Variants in ERAP1 observed in about 807,000 individuals in gnomAD.
ERAP1 encodes the protein endoplasmic reticulum aminopeptidase 1.
In ERAP1, 86 loss-of-function variants were observed where a neutral mutation model predicts 103.7. That is an observed-to-expected ratio of 0.83 (90% CI 0.70 to 0.99). ERAP1 has a LOEUF of 0.99. ERAP1 is among the 50% of genes least tolerant of loss of function. The probability of loss-of-function intolerance (pLI) is 0.00; values close to 1 mark genes in which losing one functional copy is unlikely to be tolerated. For missense variants in ERAP1, 1,009 were observed against 1,128.4 expected, an observed-to-expected ratio of 0.89 and a Z score of 1.52; for synonymous variants, 398 against 402.4, an observed-to-expected ratio of 0.99 and a Z score of 0.13.
the ERAP1 span, among the ~76,000 whole-genome samples, chr5:96,891,549 C>T: frequency 1.4e-4 from 19 of 140,740 alleles, no homozygotes; most frequent in South Asian, 4.6e-4. Flanking sequence ...CACACACACA[C>T]ACACACACAC....
chr5:96,825,774 A>G, the ERAP1 span, among the ~76,000 whole-genome samples: 1 of 152,238 alleles, frequency 6.6e-6, no homozygotes, highest in East Asian at 1.9e-4. Context: ...CTGTTGTAAC[A>G]CACAATTATT....
intron 7 of ERAP1, among the ~76,000 whole-genome samples, chr5:96,792,591 G>A (rs1345917237): frequency 1.3e-5 from 2 of 152,092 alleles, no homozygotes; most frequent in Admixed American, 1.3e-4. Context: ...AAAATAAATG[G>A]AGAACCTTAA....
At chr5:96,867,522 T>G in the ERAP1 span, among the ~76,000 whole-genome samples, 1 of 152,178 alleles carries the variant, frequency 6.6e-6, no homozygotes, top group Non-Finnish European at 1.5e-5. Context: ...GATTTGAAAC[T>G]CATTCACTCA....
upstream of ERAP1, among the ~76,000 whole-genome samples, chr5:96,812,093 T>C (rs1397975195): frequency 6.6e-6 from 1 of 152,266 alleles, no homozygotes; most frequent in Non-Finnish European, 1.5e-5. Flanking sequence ...TGAACATATG[T>C]TAATTAGCCG....
chr5:96,889,041 T>C, the ERAP1 span: 1 of 967,796 alleles, frequency 1.0e-6, no homozygotes, highest in East Asian at 2.6e-5. Flanking sequence ...CAGAACCTCT[T>C]ATCCTTATTG....
the ERAP1 span, among the ~76,000 whole-genome samples, chr5:96,926,667 T>C: frequency 2.6e-5 from 4 of 152,250 alleles, no homozygotes; most frequent in African/African-American, 9.6e-5. Context: ...ATGTCAGTAC[T>C]TTCTTTTTAT....
At chr5:96,869,674 A>T in the ERAP1 span, among the ~76,000 whole-genome samples, 1 of 152,242 alleles carries the variant, frequency 6.6e-6, no homozygotes. Flanking sequence ...AGAGTGTTGA[A>T]TTAGGGAAGC....
chr5:96,764,989 G>A (rs1221572431), intron 19 of ERAP1, among the ~76,000 whole-genome samples: 2 of 151,960 alleles, frequency 1.3e-5, no homozygotes, highest in South Asian at 2.1e-4. Context: ...GGGTTGGGTG[G>A]AAGGTGCTGG....
chr5:96,807,955 G>C, upstream of ERAP1: 6 of 985,862 alleles, frequency 6.1e-6, no homozygotes, highest in Middle Eastern at 5.2e-4. Context: ...TGGAGCCCGG[G>C]GAGCGGCAGG....
In ERAP1 at chr5:96,776,062, A is replaced by G; in HGVS notation, c.*334T>C. 8.1e-7 allele frequency: 1 copy of G among 1,232,906 alleles called. No individual in the cohort carries two copies. The highest frequency in any genetic ancestry group is 1.0e-6 in the Non-Finnish European group (1 of 964,924). 76.4% of individuals were successfully genotyped at this position (1,232,906 alleles called of 1,614,324 possible). On this transcript the variant is annotated 3_prime_UTR_variant, in exon 19 of 19. Transcript: ENST00000443439. ...TTCGAGGAGACTGATGAAACAGTTT[A>G]TGAATGATAAACATGGGGTACAGGG...
In ERAP1 at chr5:96,781,088, A is replaced by C; in HGVS notation, c.2558T>G (p.Leu853Arg). The change falls in exon 17 of 19, where the codon CTG becomes CGG. Residue 853 changes from leucine (L) to arginine (R), a missense_variant. Around this residue, in one of 3 missense-constraint regions of ERAP1, gnomAD observed 611 missense variants for 651.7 expected, o/e 0.94. Transcript: ENST00000443439. ...PVGYPLAWQFLRKNWNKLVQK... is the reference protein window; with the variant it reads ...PVGYPLAWQFRRKNWNKLVQK... ...TACAAGTTTGTTCCAGTTTTTCCTC[A>C]GAAATTGCCAGGCCAGTGGGTATCC... The C allele has an allele frequency of 6.2e-7, 1 of 1,613,986 alleles. No individual in the cohort carries two copies. Among genetic ancestry groups the C allele is most frequent in the Non-Finnish European group, 8.5e-7 (1 of 1,180,002 alleles).
the ERAP1 span, among the ~76,000 whole-genome samples, chr5:96,818,830 C>T: frequency 6.6e-6 from 1 of 152,118 alleles, no homozygotes. Flanking sequence ...AGAAAAGTGA[C>T]ATTTCTTTGC....
chr5:96,925,695 T>A, the ERAP1 span, among the ~76,000 whole-genome samples: 11 of 152,196 alleles, frequency 7.2e-5, no homozygotes, highest in Admixed American at 2.6e-4. Context: ...AGAGTGAAGA[T>A]TTCTTTCTAA....
the ERAP1 span, among the ~76,000 whole-genome samples, chr5:96,886,950 C>T: frequency 6.6e-6 from 1 of 151,672 alleles, no homozygotes; most frequent in Non-Finnish European, 1.5e-5. Context: ...GTCCTGTCAC[C>T]AAGATACAAC....
chr5:96,818,920 T>TTATA, the ERAP1 span, among the ~76,000 whole-genome samples: 1 of 150,826 alleles, frequency 6.6e-6, no homozygotes, highest in Non-Finnish European at 1.5e-5. Context: ...ATTTATTTAT[T>TTATA]TATTTATTTA....
chr5:96,919,627 A>G, the ERAP1 span: 47 of 152,278 alleles, frequency 3.1e-4, no homozygotes, highest in African/African-American at 1.1e-3. Flanking sequence ...GAAAGTAGCA[A>G]TTTTATTATT....
chr5:96,899,811 T>C, the ERAP1 span, among the ~76,000 whole-genome samples: 1 of 152,186 alleles, frequency 6.6e-6, no homozygotes, highest in East Asian at 1.9e-4. Flanking sequence ...AGGACCTTTC[T>C]TAAGGGAAAG....
the ERAP1 span, among the ~76,000 whole-genome samples, chr5:96,822,499 A>C: frequency 6.6e-6 from 1 of 152,214 alleles, no homozygotes; most frequent in African/African-American, 2.4e-5. Context: ...TCAAACGGAG[A>C]TGCAAGAATT....
chr5:96,876,707 C>G, the ERAP1 span, among the ~76,000 whole-genome samples: 1 of 152,140 alleles, frequency 6.6e-6, no homozygotes, highest in African/African-American at 2.4e-5. Context: ...GAGGCTGGGA[C>G]TTGATCTAAG....
Sources: allele counts gnomAD v4.1 joint callset (sites outside exome capture counted in the v4.1 genomes callset), GRCh38; gene constraint gnomAD v4.1.1; regional missense constraint gnomAD v4.1.1; transcripts MANE v1.5; gene names NCBI Gene and HGNC (gene_info 2026-07-23, HGNC 2026-07-21).